Variants in GRID2 observed in about 807,000 individuals in gnomAD.
GRID2 encodes glutamate ionotropic receptor delta type subunit 2.
A neutral mutation model predicts 114.8 loss-of-function variants in GRID2; 33 were observed. The observed-to-expected ratio is 0.29, with a 90% CI of 0.22 to 0.38. The LOEUF (loss-of-function observed/expected upper bound fraction) is 0.38. Among genes scored for constraint, GRID2 ranks in the 10% least tolerant of loss-of-function variants. The probability of loss-of-function intolerance (pLI) is 1.00; values close to 1 mark genes in which losing one functional copy is unlikely to be tolerated. For synonymous variants in GRID2, 505 were observed against 449.9 expected (o/e 1.12, Z -1.55); for missense variants, 1,184 against 1,257.7 (o/e 0.94, Z 0.89).
rs141122980 is a variant in GRID2, at chr4:92,519,981, A to T, written c.89-70150A>T. Among the ~76,000 whole-genome samples the T allele has an allele frequency of 2.0e-3, 301 of 151,992 alleles. 5 individuals are homozygous for T. Among genetic ancestry groups the T allele is most frequent in the Admixed American group, 0.012 (187 of 15,218 alleles). On this transcript the variant is annotated intron_variant, in intron 1 of 15. Transcript: ENST00000282020. ...TAATCTCATCTAGAAACACCCTCAC[A>T]GACATTCCCAGAATAGTGTTTAACC...
At chr4:92,986,780 A>T in intron 2 of GRID2, among the ~76,000 whole-genome samples, 1 of 152,272 alleles carries the variant, frequency 6.6e-6, no homozygotes, top group Non-Finnish European at 1.5e-5. Flanking sequence ...ACAATAAAAT[A>T]ATTTATATTT....
intron 1 of GRID2, among the ~76,000 whole-genome samples, chr4:93,802,840 A>G (rs963765132): frequency 6.6e-6 from 1 of 152,242 alleles, no homozygotes; most frequent in African/African-American, 2.4e-5. Context: ...AATGTTTTCT[A>G]AATCTATGCT....
intron 8 of GRID2, among the ~76,000 whole-genome samples, chr4:93,249,508 A>G (rs1748598615): frequency 1.3e-5 from 2 of 152,316 alleles, no homozygotes; most frequent in South Asian, 2.1e-4. Flanking sequence ...ATCCATGAGC[A>G]TGGAATGTTT....
chr4:92,597,535 G>GAA (rs1729013601), intron 2 of GRID2, among the ~76,000 whole-genome samples: 1 of 152,098 alleles, frequency 6.6e-6, no homozygotes, highest in Admixed American at 6.6e-5. Context: ...TGCTGCTCTG[G>GAA]ATTTTGTTTT....
intron 2 of GRID2, among the ~76,000 whole-genome samples, chr4:92,727,673 G>A (rs1194430444): frequency 6.6e-6 from 1 of 152,070 alleles, no homozygotes; most frequent in Non-Finnish European, 1.5e-5. Context: ...AAATTGCTAT[G>A]TGAACATAGA....
At chr4:93,421,238 G>A (rs1768257167) in intron 9 of GRID2, among the ~76,000 whole-genome samples, 1 of 152,112 alleles carries the variant, frequency 6.6e-6, no homozygotes, top group African/African-American at 2.4e-5. Context: ...TTTACATCAC[G>A]TTGGCCAGAA....
At chr4:93,171,583 C>A (rs1260510377) in intron 4 of GRID2, among the ~76,000 whole-genome samples, 1 of 152,140 alleles carries the variant, frequency 6.6e-6, no homozygotes. Flanking sequence ...TGTCCTAAAC[C>A]AGGCTTCCAA....
intron 1 of GRID2, among the ~76,000 whole-genome samples, chr4:92,427,780 A>ATAAT (rs35208287): frequency 0.35 from 53,698 of 151,750 alleles, 10,389 homozygotes; most frequent in African/African-American, 0.52. Context: ...TTTATTGTAA[A>ATAAT]TAAGTTTTAT....
At chr4:93,087,061 G>C (rs1000143555) in intron 3 of GRID2, among the ~76,000 whole-genome samples, 1 of 142,454 alleles carries the variant, frequency 7.0e-6, no homozygotes, top group South Asian at 2.2e-4. Flanking sequence ...TTGAGATGGA[G>C]TCTTCCTCTG....
Position 92,547,242 on chromosome 4 carries a change from A to G in GRID2, c.89-42889A>G, listed in dbSNP as rs185291301. Among the ~76,000 whole-genome samples, 257 of 152,350 alleles carry G rather than the reference A, an allele frequency of 1.7e-3. 1 individual carries two copies. The highest frequency in any genetic ancestry group is 6.0e-3 in the African/African-American group (251 of 41,592). On this transcript the variant is annotated intron_variant, in intron 1 of 15. Transcript: ENST00000282020. The stretch of plus-strand genomic sequence containing the variant: ...CTTGTATATAGACTATTAAATATGT[A>G]TACACATGTATAACATTTATTCAGA...
At chr4:93,156,743 G>C (rs1737221211) in intron 4 of GRID2, among the ~76,000 whole-genome samples, 1 of 151,758 alleles carries the variant, frequency 6.6e-6, no homozygotes, top group African/African-American at 2.4e-5. Flanking sequence ...GGATCCAGTA[G>C]ACAGTTGAAT....
At chr4:92,672,028 A>C (rs1733099360) in intron 2 of GRID2, among the ~76,000 whole-genome samples, 1 of 152,160 alleles carries the variant, frequency 6.6e-6, no homozygotes, top group African/African-American at 2.4e-5. Context: ...AGTTTGAAAT[A>C]CAGTGAGATT....
At chr4:93,472,714 A>G (rs553193543) in intron 11 of GRID2, among the ~76,000 whole-genome samples, 1 of 152,342 alleles carries the variant, frequency 6.6e-6, no homozygotes, top group African/African-American at 2.4e-5. Flanking sequence ...GTAGAACACA[A>G]AGAAAATCGA....
intron 4 of GRID2, among the ~76,000 whole-genome samples, chr4:93,141,708 C>T (rs183418913): frequency 6.6e-6 from 1 of 152,344 alleles, no homozygotes; most frequent in African/African-American, 2.4e-5. Flanking sequence ...TTACCTGACA[C>T]TGGACACATT....
Position 92,683,167 on chromosome 4 carries a change from C to T in GRID2, c.244+92881C>T, listed in dbSNP as rs541682084. On this transcript the variant is annotated intron_variant, in intron 2 of 15. Transcript: ENST00000282020. ...ACCAAAACTTAGCTGGGCGTGGTGG[C>T]GGGCGCCTGTAGTCCCAGCTACTCG... Among the ~76,000 whole-genome samples, 37 of 152,034 alleles carry T rather than the reference C, an allele frequency of 2.4e-4. No homozygotes were observed. The South Asian group carries it at 4.0e-3, about 16-fold the overall frequency.
chr4:92,422,738 G>T (rs142628367), intron 1 of GRID2, among the ~76,000 whole-genome samples: 5 of 152,240 alleles, frequency 3.3e-5, no homozygotes, highest in African/African-American at 1.2e-4. Flanking sequence ...GAATCTTGTA[G>T]CCTCCAGCTG....
At chr4:92,614,677 G>T (rs1401429879) in intron 2 of GRID2, among the ~76,000 whole-genome samples, 2 of 151,580 alleles carry the variant, frequency 1.3e-5, no homozygotes, top group East Asian at 3.9e-4. Context: ...ATGTGTATTT[G>T]CTATTATTGG....
intron 2 of GRID2, among the ~76,000 whole-genome samples, chr4:92,781,683 T>A (rs1055869144): frequency 6.6e-6 from 1 of 152,098 alleles, no homozygotes; most frequent in Non-Finnish European, 1.5e-5. Flanking sequence ...TTCAAACTTC[T>A]ACTTTTATCA....
chr4:92,756,713 G>A (rs955884624), intron 2 of GRID2, among the ~76,000 whole-genome samples: 1 of 151,990 alleles, frequency 6.6e-6, no homozygotes, highest in Non-Finnish European at 1.5e-5. Context: ...GACTCTTACT[G>A]ATGTTGAACA....
Sources: gnomAD v4.1 joint callset for allele counts (sites outside exome capture counted in the v4.1 genomes callset) on GRCh38, gnomAD v4.1.1 for gene constraint, MANE v1.5 for transcripts, NCBI Gene and HGNC (gene_info 2026-07-23, HGNC 2026-07-21) for gene names.